Variants in HPSE2 observed in about 807,000 individuals in gnomAD.
The protein encoded by HPSE2 is heparanase 2 (inactive), also known as inactive heparanase-2.
HPSE2 carries 38 observed loss-of-function variants against 60.5 expected under a neutral mutation model. That is an observed-to-expected ratio of 0.63 (90% CI 0.48 to 0.82). The LOEUF (loss-of-function observed/expected upper bound fraction) is 0.82, where lower values mean the gene tolerates loss of function less well. Among genes scored for constraint, HPSE2 ranks in the 40% least tolerant of loss-of-function variants. The pLI is 0.00. For synonymous variants in HPSE2, 295 were observed against 293.2 expected (o/e 1.01, Z -0.06); for missense variants, 713 against 740.4 (o/e 0.96, Z 0.43).
chr10:98,803,650 C>T (rs1950970958), intron 3 of HPSE2, among the ~76,000 whole-genome samples: 1 of 151,118 alleles, frequency 6.6e-6, no homozygotes, highest in African/African-American at 2.5e-5. Context: ...GGCATTATTT[C>T]TGAGGGCTCT....
At chr10:98,939,016 T>C (rs1486670377) in intron 3 of HPSE2, among the ~76,000 whole-genome samples, 1 of 143,864 alleles carries the variant, frequency 7.0e-6, no homozygotes, top group Non-Finnish European at 1.5e-5. Flanking sequence ...AATAAAATTC[T>C]TTACAGACAA....
chr10:98,587,317 C>T (rs1944966550), intron 9 of HPSE2, among the ~76,000 whole-genome samples: 1 of 152,168 alleles, frequency 6.6e-6, no homozygotes, highest in Non-Finnish European at 1.5e-5. Context: ...CCTACTCTGT[C>T]CAAAGCTCTG....
upstream of HPSE2, among the ~76,000 whole-genome samples, chr10:99,237,642 C>T (rs1388604944): frequency 6.6e-6 from 1 of 152,176 alleles, no homozygotes; most frequent in African/African-American, 2.4e-5. Context: ...CAAGCTGTTA[C>T]ATAGTGAAGT....
At chr10:99,241,892 C>T in the HPSE2 span, among the ~76,000 whole-genome samples, 1 of 152,290 alleles carries the variant, frequency 6.6e-6, no homozygotes, top group East Asian at 1.9e-4. Flanking sequence ...ACATGAATGA[C>T]TTAGTGGTAA....
intron 3 of HPSE2, among the ~76,000 whole-genome samples, chr10:98,791,448 T>A (rs775818906): frequency 2.6e-5 from 4 of 152,196 alleles, no homozygotes; most frequent in African/African-American, 9.6e-5. Flanking sequence ...ACAGACTATA[T>A]GTTTAGCACA....
At chr10:99,284,777 T>A in the HPSE2 span, among the ~76,000 whole-genome samples, 2 of 152,174 alleles carry the variant, frequency 1.3e-5, no homozygotes, top group Admixed American at 6.5e-5. Flanking sequence ...TTATACAGAT[T>A]ATTGCAGCAC....
chr10:99,209,807 AG>A (rs1848894480), intron 2 of HPSE2, among the ~76,000 whole-genome samples: 1 of 152,172 alleles, frequency 6.6e-6, no homozygotes, highest in African/African-American at 2.4e-5. Context: ...CTTCTGCCTC[AG>A]CCTCCCAAGT....
intron 3 of HPSE2, among the ~76,000 whole-genome samples, chr10:98,781,603 A>C (rs1759743572): frequency 6.6e-6 from 1 of 152,238 alleles, no homozygotes. Context: ...CCCAAGAAAC[A>C]TATAAAAATA....
In HPSE2 at chr10:98,531,327, C is replaced by T. The variant is rs115748516; in HGVS notation, c.1321-41131G>A. Among the ~76,000 whole-genome samples, 577 of 152,266 alleles carry T rather than the reference C, an allele frequency of 3.8e-3. 6 individuals are homozygous for T. The highest frequency in any genetic ancestry group is 0.013 in the African/African-American group (538 of 41,570). ...GAGTTTGTGCTTTGGAGAACAGAAACGGCTAAGCTCTCCCCTTAGTATGGT... is the reference window on the plus strand; with the variant it reads ...GAGTTTGTGCTTTGGAGAACAGAAATGGCTAAGCTCTCCCCTTAGTATGGT... On this transcript the variant is annotated intron_variant, in intron 9 of 11. Transcript: ENST00000370552.
intron 3 of HPSE2, among the ~76,000 whole-genome samples, chr10:98,870,303 G>C (rs1302232610): frequency 6.6e-6 from 1 of 152,168 alleles, no homozygotes; most frequent in Non-Finnish European, 1.5e-5. Flanking sequence ...AGTCAGAAGG[G>C]TGTATGGCTA....
the HPSE2 span, among the ~76,000 whole-genome samples, chr10:99,278,501 T>C: frequency 1.1e-4 from 16 of 152,132 alleles, no homozygotes; most frequent in African/African-American, 2.2e-4. Context: ...GGAATGGCTG[T>C]GTCATTCCTG....
At chr10:98,942,781 C>T (rs938106351) in intron 3 of HPSE2, among the ~76,000 whole-genome samples, 11 of 151,922 alleles carry the variant, frequency 7.2e-5, no homozygotes, top group African/African-American at 2.4e-4. Context: ...TACATGCACA[C>T]GTATGTTTAT....
intron 3 of HPSE2, among the ~76,000 whole-genome samples, chr10:99,025,300 A>G (rs965191417): frequency 6.6e-6 from 1 of 152,178 alleles, no homozygotes; most frequent in African/African-American, 2.4e-5. Flanking sequence ...ACAATTCCTC[A>G]AAGAGCTAAA....
chr10:99,078,736 CTTG>C (rs1843030526), intron 3 of HPSE2, among the ~76,000 whole-genome samples: 1 of 152,072 alleles, frequency 6.6e-6, no homozygotes, highest in Non-Finnish European at 1.5e-5. Context: ...GACATATATC[CTTG>C]TTTTTTTATT....
rs77296910 is a variant in HPSE2, at chr10:98,991,289, T to C, written c.610+152949A>G. On this transcript the variant is annotated intron_variant, in intron 3 of 11. Coordinates refer to ENST00000370552, the MANE Select transcript of HPSE2 (RefSeq NM_021828.5). ...GGTCAGAGTGGGGACTGGTATTTTA[T>C]TTAGACGGCCAGGAAAAAGCCTCTC... is the stretch of plus-strand genomic sequence containing the variant. Among the ~76,000 whole-genome samples, 522 of 152,270 alleles carry C rather than the reference T, an allele frequency of 3.4e-3. 2 individuals carry two copies. The highest frequency in any genetic ancestry group is 0.012 in the African/African-American group (498 of 41,566).
At chr10:99,241,857 A>G in the HPSE2 span, among the ~76,000 whole-genome samples, 1 of 152,294 alleles carries the variant, frequency 6.6e-6, no homozygotes, top group East Asian at 1.9e-4. Context: ...CCCTTAACTA[A>G]TGACTATGGT....
At chr10:99,029,485 T>C (rs915167987) in intron 3 of HPSE2, among the ~76,000 whole-genome samples, 17 of 152,096 alleles carry the variant, frequency 1.1e-4, no homozygotes, top group Non-Finnish European at 2.2e-4. Flanking sequence ...ATTTATTGGA[T>C]ACAAAGCAAA....
chr10:98,860,001 C>T (rs1285540027), intron 3 of HPSE2, among the ~76,000 whole-genome samples: 1 of 151,952 alleles, frequency 6.6e-6, no homozygotes, highest in Non-Finnish European at 1.5e-5. Context: ...TCTTACTGTA[C>T]CTAATTTATA....
intron 3 of HPSE2, chr10:98,924,452 T>C (rs1337109531): frequency 6.6e-6 from 1 of 152,308 alleles, no homozygotes; most frequent in African/African-American, 2.4e-5. Context: ...GAAACTTATG[T>C]GATGTTCTAT....
Sources: gnomAD v4.1 joint callset for allele counts (sites outside exome capture counted in the v4.1 genomes callset) on GRCh38, gnomAD v4.1.1 for gene constraint, MANE v1.5 for transcripts, NCBI Gene and HGNC (gene_info 2026-07-23, HGNC 2026-07-21) for gene names.